The following GRIK1 variants were observed in gnomAD, a reference collection of about 807,000 sequenced individuals.
GRIK1 encodes glutamate receptor ionotropic, kainate 1.
In GRIK1, 69 loss-of-function variants were observed where a neutral mutation model predicts 105.7. That is an observed-to-expected ratio of 0.65 (90% CI 0.54 to 0.80). The LOEUF is 0.80. GRIK1 is among the 30% of genes least tolerant of loss of function. GRIK1 has a pLI of 0.00. For synonymous variants in GRIK1, 438 were observed against 431.3 expected (o/e 1.02, Z -0.19); for missense variants, 1,109 against 1,167.3 (o/e 0.95, Z 0.73).
In GRIK1 at chr21:29,853,753, A is replaced by T. The variant is rs117827992; in HGVS notation, c.118+85630T>A. Among the ~76,000 whole-genome samples the T allele has an allele frequency of 6.6e-3, 1,006 of 152,344 alleles. 4 individuals are homozygous for T. The highest frequency in any genetic ancestry group is 0.011 in the Non-Finnish European group (732 of 68,040). On this transcript the variant is annotated intron_variant, in intron 1 of 17. Coordinates refer to ENST00000327783, the MANE Select transcript of GRIK1 (RefSeq NM_001330994.2). ...TATCCATTCTGCATTGGGAAAATAG[A>T]TGAAAGAAACACAGACCAAAACCCC...
At chr21:29,636,272 A>AT (rs1237141734) in intron 7 of GRIK1, among the ~76,000 whole-genome samples, 2 of 152,228 alleles carry the variant, frequency 1.3e-5, no homozygotes, top group Non-Finnish European at 2.9e-5. Flanking sequence ...TATTCTAATC[A>AT]TGAAGTTGAG....
intron 1 of GRIK1, among the ~76,000 whole-genome samples, chr21:29,790,377 A>G (rs2066380755): frequency 6.6e-6 from 1 of 152,024 alleles, no homozygotes. Context: ...TGAGATACAT[A>G]TTACCAGTAA....
intron 9 of GRIK1, 25 bp from the exon 10 acceptor site, chr21:29,591,250 G>C: frequency 7.6e-7 from 1 of 1,309,278 alleles, no homozygotes; most frequent in Non-Finnish European, 1.1e-6. Context: ...GTACATCAGA[G>C]GCTGCTGGCT....
chr21:29,868,263 A>G (rs1288483452), intron 1 of GRIK1, among the ~76,000 whole-genome samples: 1 of 152,220 alleles, frequency 6.6e-6, no homozygotes, highest in Non-Finnish European at 1.5e-5. Context: ...CTGACCACAC[A>G]GATGATGACA....
chr21:29,647,907 C>G (rs2062651626), intron 6 of GRIK1, among the ~76,000 whole-genome samples: 1 of 152,134 alleles, frequency 6.6e-6, no homozygotes, highest in African/African-American at 2.4e-5. Flanking sequence ...TAACAATTTT[C>G]TTAGTAACTT....
intron 1 of GRIK1, among the ~76,000 whole-genome samples, chr21:29,853,168 A>G (rs2068360376): frequency 1.3e-5 from 2 of 152,258 alleles, no homozygotes; most frequent in Non-Finnish European, 2.9e-5. Context: ...CAATTCCAAG[A>G]AAGTAACTAT....
At chr21:29,824,448 T>C (rs1280522199) in intron 1 of GRIK1, among the ~76,000 whole-genome samples, 2 of 151,808 alleles carry the variant, frequency 1.3e-5, no homozygotes, top group East Asian at 3.9e-4. Flanking sequence ...GTTAAACATA[T>C]AAAAAAAGTC....
intron 1 of GRIK1, among the ~76,000 whole-genome samples, chr21:29,793,034 G>A (rs753951911): frequency 2.2e-4 from 33 of 152,078 alleles, no homozygotes; most frequent in Non-Finnish European, 1.2e-4. Context: ...TTCATTGCAC[G>A]TGAGCAAATC....
intron 1 of GRIK1, among the ~76,000 whole-genome samples, chr21:29,930,181 C>A (rs532871344): frequency 6.6e-6 from 1 of 152,104 alleles, no homozygotes; most frequent in Non-Finnish European, 1.5e-5. Flanking sequence ...AAAGGAACAG[C>A]GCTACCCAGA....
At chr21:29,750,677 G>A (rs572752382) in intron 1 of GRIK1, among the ~76,000 whole-genome samples, 1 of 152,214 alleles carries the variant, frequency 6.6e-6, no homozygotes, top group African/African-American at 2.4e-5. Context: ...GAGAAGAATT[G>A]AGAGAAGCAA....
At chr21:29,714,399 A>G (rs936608007) in intron 1 of GRIK1, among the ~76,000 whole-genome samples, 2 of 152,238 alleles carry the variant, frequency 1.3e-5, no homozygotes, top group African/African-American at 4.8e-5. Flanking sequence ...ACAAGAAAAG[A>G]AATACAATGT....
chr21:29,712,123 C>CACACACACACACAT (rs1491324595), intron 1 of GRIK1, among the ~76,000 whole-genome samples: 29 of 147,026 alleles, frequency 2.0e-4, no homozygotes, highest in African/African-American at 2.8e-4. Context: ...CACACACACA[C>CACACACACACACAT]ATATATATAG....
At chr21:29,866,829 G>A (rs1306274404) in intron 1 of GRIK1, among the ~76,000 whole-genome samples, 3 of 152,172 alleles carry the variant, frequency 2.0e-5, no homozygotes, top group Non-Finnish European at 2.9e-5. Flanking sequence ...GACATTTCTT[G>A]TCACAAAAAC....
intron 1 of GRIK1, among the ~76,000 whole-genome samples, chr21:29,847,054 C>A (rs2068146384): frequency 6.6e-6 from 1 of 152,092 alleles, no homozygotes; most frequent in Non-Finnish European, 1.5e-5. Context: ...TTTACTGGCT[C>A]TTCTTCTTTC....
At chr21:29,758,530 G>T (rs1356313148) in intron 1 of GRIK1, among the ~76,000 whole-genome samples, 1 of 152,126 alleles carries the variant, frequency 6.6e-6, no homozygotes, top group African/African-American at 2.4e-5. Context: ...CGACATATGG[G>T]AATTATGGGA....
chr21:29,564,257 C>G (rs1384731584), intron 14 of GRIK1, among the ~76,000 whole-genome samples: 1 of 151,876 alleles, frequency 6.6e-6, no homozygotes, highest in African/African-American at 2.4e-5. Context: ...ACGCCATTCT[C>G]CTGCCTCAGC....
chr21:29,605,033 A>AT (rs1317092268), intron 7 of GRIK1, among the ~76,000 whole-genome samples: 1 of 151,902 alleles, frequency 6.6e-6, no homozygotes, highest in Admixed American at 6.6e-5. Flanking sequence ...TTACTTATTT[A>AT]TTTTTTCTGA....
chr21:29,752,761 C>T (rs2065237677), intron 1 of GRIK1, among the ~76,000 whole-genome samples: 1 of 152,152 alleles, frequency 6.6e-6, no homozygotes, highest in African/African-American at 2.4e-5. Flanking sequence ...TCCTTGAGCC[C>T]AGGAGTTCAA....
intron 1 of GRIK1, among the ~76,000 whole-genome samples, chr21:29,914,334 A>G (rs2070920209): frequency 6.6e-6 from 1 of 152,098 alleles, no homozygotes; most frequent in Non-Finnish European, 1.5e-5. Flanking sequence ...GTGCTAGCTG[A>G]CAAGATGGAA....
Sources: allele counts gnomAD v4.1 joint callset (sites outside exome capture counted in the v4.1 genomes callset), GRCh38; gene constraint gnomAD v4.1.1; transcripts MANE v1.5; gene names NCBI Gene and HGNC (gene_info 2026-07-23, HGNC 2026-07-21).